Variants in PPA2 observed in about 807,000 individuals in gnomAD.
PPA2 encodes the protein inorganic pyrophosphatase 2.
In PPA2, 48 loss-of-function variants were observed where a neutral mutation model predicts 49.5. That is an observed-to-expected ratio of 0.97 (90% CI 0.77 to 1.23). The LOEUF is 1.23. PPA2 is among the 50% of genes most tolerant of loss of function. The pLI is 0.00. For missense variants in PPA2, 429 were observed against 410.1 expected (o/e 1.05, Z -0.40); for synonymous variants, 131 against 139.9 (o/e 0.94, Z 0.45).
intron 1 of PPA2, among the ~76,000 whole-genome samples, chr4:105,470,746 C>T (rs1369041107): frequency 6.6e-6 from 1 of 152,214 alleles, no homozygotes; most frequent in Non-Finnish European, 1.5e-5. Flanking sequence ...ACTGCCACAG[C>T]AATTCTATAA....
intron 10 of PPA2, among the ~76,000 whole-genome samples, chr4:105,371,566 C>T (rs1047523180): frequency 4.6e-5 from 7 of 152,060 alleles, no homozygotes; most frequent in Admixed American, 1.3e-4. Context: ...TAGCAATAAC[C>T]CTACCCTACC....
chr4:105,399,275 A>G, intron 7 of PPA2, 111 bp from the exon 8 acceptor site: 1 of 1,043,714 alleles, frequency 9.6e-7, no homozygotes, highest in Non-Finnish European at 1.4e-6. Flanking sequence ...GTCTAACCAG[A>G]AGCACAATTG....
At chr4:105,442,889 T>C (rs1296179005) in intron 5 of PPA2, among the ~76,000 whole-genome samples, 3 of 152,164 alleles carry the variant, frequency 2.0e-5, no homozygotes, top group African/African-American at 7.2e-5. Flanking sequence ...AGCTAAAGTA[T>C]CCACACACGC....
chr4:105,406,954 T>C (rs1280036113), intron 7 of PPA2: 1 of 152,114 alleles, frequency 6.6e-6, no homozygotes. Flanking sequence ...AGCAAAATTG[T>C]ATTTCTAAAA....
At chr4:105,415,003 A>G (rs564844638) in intron 7 of PPA2, among the ~76,000 whole-genome samples, 190 of 152,214 alleles carry the variant, frequency 1.2e-3, no homozygotes, top group African/African-American at 4.5e-3. Context: ...GGTAGCTCCT[A>G]ACGCAGGCAG....
rs539875823 is a variant in PPA2, at chr4:105,407,690, G to A, written c.656-8526C>T. ...ACTAACCTGATACATGCAACAATAT[G>A]CATGAATCTCCAAAACATTAGGCAA... On this transcript the variant is annotated intron_variant, in intron 7 of 11. Transcript: ENST00000341695. Among the ~76,000 whole-genome samples the A allele has an allele frequency of 2.0e-5, 3 of 152,268 alleles. No individual in the cohort carries two copies. In the East Asian group the frequency reaches 5.8e-4, roughly 29 times the overall value.
At chr4:105,426,807 C>T (rs1723533750) in intron 6 of PPA2, among the ~76,000 whole-genome samples, 2 of 152,228 alleles carry the variant, frequency 1.3e-5, no homozygotes, top group Admixed American at 1.3e-4. Context: ...GACAGCTTCT[C>T]CAGACTTAAA....
chr4:105,455,629 GA>G (rs1372654817), intron 2 of PPA2, among the ~76,000 whole-genome samples: 4 of 152,196 alleles, frequency 2.6e-5, no homozygotes, highest in Non-Finnish European at 5.9e-5. Flanking sequence ...ACAAGCACTT[GA>G]TAAATTATTG....
intron 9 of PPA2, among the ~76,000 whole-genome samples, chr4:105,387,083 G>GA (rs1326765446): frequency 6.6e-6 from 1 of 152,128 alleles, no homozygotes; most frequent in African/African-American, 2.4e-5. Context: ...GATTAAAGAG[G>GA]AAACTATATG....
At chr4:105,459,211 G>C (rs1470425139) in intron 1 of PPA2, among the ~76,000 whole-genome samples, 1 of 152,076 alleles carries the variant, frequency 6.6e-6, no homozygotes, top group Non-Finnish European at 1.5e-5. Context: ...CACACAAATG[G>C]CAAGTACATA....
intron 9 of PPA2, among the ~76,000 whole-genome samples, chr4:105,387,805 A>T (rs1371644666): frequency 6.6e-6 from 1 of 152,132 alleles, no homozygotes; most frequent in East Asian, 1.9e-4. Context: ...TGTCTTTTCT[A>T]CAGCTCATGT....
At chr4:105,385,112 T>C (rs1377453254) in intron 10 of PPA2, among the ~76,000 whole-genome samples, 4 of 152,202 alleles carry the variant, frequency 2.6e-5, no homozygotes, top group Non-Finnish European at 4.4e-5. Flanking sequence ...TCTTGGCACA[T>C]ATGTCAGCCC....
chr4:105,391,645 A>G (rs1290058998), intron 9 of PPA2, among the ~76,000 whole-genome samples: 1 of 152,162 alleles, frequency 6.6e-6, no homozygotes, highest in Non-Finnish European at 1.5e-5. Context: ...TGCTTCTCGA[A>G]AAAATGAAGA....
At chr4:105,386,779 A>T (rs1305682591) in intron 9 of PPA2, 143 bp from the exon 10 acceptor site, 3 of 656,124 alleles carry the variant, frequency 4.6e-6, no homozygotes, top group Non-Finnish European at 7.6e-6. Flanking sequence ...AAAAATTAAG[A>T]CAATGAAAAT....
intron 10 of PPA2, among the ~76,000 whole-genome samples, chr4:105,373,626 C>A (rs1458974105): frequency 6.6e-6 from 1 of 151,992 alleles, no homozygotes; most frequent in Admixed American, 6.6e-5. Flanking sequence ...AAGAAATGGG[C>A]AAGCTACTCT....
intron 5 of PPA2, among the ~76,000 whole-genome samples, chr4:105,442,327 G>T (rs1724409070): frequency 6.6e-6 from 1 of 152,180 alleles, no homozygotes; most frequent in African/African-American, 2.4e-5. Flanking sequence ...TAACCTTGTA[G>T]GGTAGGTAGT....
chr4:105,391,195 G>A (rs536783489), intron 9 of PPA2, among the ~76,000 whole-genome samples: 199 of 152,060 alleles, frequency 1.3e-3, no homozygotes, highest in African/African-American at 4.7e-3. Flanking sequence ...GTGGGGGGAG[G>A]GGAGGGAGAT....
intron 1 of PPA2, among the ~76,000 whole-genome samples, chr4:105,472,271 C>T (rs1723553195): frequency 6.6e-6 from 1 of 152,328 alleles, no homozygotes; most frequent in African/African-American, 2.4e-5. Context: ...CCTAGGACTC[C>T]CCATTCCAAA....
intron 7 of PPA2, among the ~76,000 whole-genome samples, chr4:105,414,729 G>A (rs1353899489): frequency 6.6e-6 from 1 of 152,218 alleles, no homozygotes; most frequent in African/African-American, 2.4e-5. Context: ...AATGTGGCGA[G>A]CAGGATCAGG....
Sources: gnomAD v4.1 joint callset for allele counts (sites outside exome capture counted in the v4.1 genomes callset) on GRCh38, gnomAD v4.1.1 for gene constraint, MANE v1.5 for transcripts, NCBI Gene and HGNC (gene_info 2026-07-23, HGNC 2026-07-21) for gene names.